ATP13A1: variants seen among roughly 807,000 people sequenced by gnomAD.
ATP13A1 encodes the protein ATPase 13A1, also known as endoplasmic reticulum transmembrane helix translocase.
ATP13A1 carries 55 observed loss-of-function variants against 134.8 expected under a neutral mutation model. The ratio of observed to expected loss-of-function variants is 0.41; its 90% CI spans 0.33 to 0.51. ATP13A1 has a LOEUF of 0.51. Ranked by LOEUF, ATP13A1 falls within the 20% of genes least tolerant of loss-of-function variation. ATP13A1 has a pLI of 0.29. For synonymous variants in ATP13A1, 775 were observed against 725.1 expected, an observed-to-expected ratio of 1.07 and a Z score of -1.10; for missense variants, 1,389 against 1,652.8, an observed-to-expected ratio of 0.84 and a Z score of 2.77.
chr19:19,652,901 G>T, intron 15 of ATP13A1, 181 bp from the exon 16 acceptor site: 2 of 850,658 alleles, frequency 2.4e-6, no homozygotes, highest in Non-Finnish European at 3.5e-6. Context: ...CGCTTGAGGG[G>T]TGGGATCTGG....
intron 19 of ATP13A1, among the ~76,000 whole-genome samples, chr19:19,648,795 G>A (rs926019178): frequency 1.0e-5 from 1 of 96,384 alleles, no homozygotes; most frequent in African/African-American, 4.4e-5. Context: ...GGCAACAAGA[G>A]AGAAACTGTC....
At chr19:19,652,161 T>G (rs1208834936) in intron 16 of ATP13A1, among the ~76,000 whole-genome samples, 1 of 152,112 alleles carries the variant, frequency 6.6e-6, no homozygotes, top group African/African-American at 2.4e-5. Flanking sequence ...ATCACCCATG[T>G]GACCCAGAGC....
At chr19:19,661,733 T>A (rs945897516) in intron 1 of ATP13A1, among the ~76,000 whole-genome samples, 1 of 152,174 alleles carries the variant, frequency 6.6e-6, no homozygotes, top group African/African-American at 2.4e-5. Flanking sequence ...CCTCTGCTGC[T>A]CTGCTAGACC....
intron 19 of ATP13A1, among the ~76,000 whole-genome samples, chr19:19,648,604 T>G (rs763699135): frequency 4.0e-5 from 6 of 149,466 alleles, no homozygotes; most frequent in Non-Finnish European, 5.9e-5. Flanking sequence ...AAGTCAGGAG[T>G]TGGAGACCAG....
At chr19:19,651,216 T>G (rs1400970435) in intron 17 of ATP13A1, 1 of 152,490 alleles carries the variant, frequency 6.6e-6, no homozygotes, top group African/African-American at 2.4e-5. Context: ...ACCAACGCAG[T>G]AACACGCACG....
At chr19:19,646,525 T>TGA (rs2061987203) in intron 22 of ATP13A1, 178 bp from the exon 23 acceptor site, 4 of 765,994 alleles carry the variant, frequency 5.2e-6, no homozygotes, top group Non-Finnish European at 8.3e-6. Flanking sequence ...CTCTCACCCC[T>TGA]GAGCCCAGGG....
In ATP13A1 at chr19:19,655,007, G is replaced by A; in HGVS notation, c.1655+112C>T. On this transcript the variant is annotated intron_variant, in intron 12 of 25. Transcript: ENST00000357324. The surrounding 1 kb of genome is among the most constrained non-coding windows in gnomAD (Gnocchi z 5.7). ...AGCCCCTGGAAATGAACCCGAGGCA[G>A]GGCCTCTGACGGGCCCTCACTGCAA... 6 of 1,474,668 alleles carry A rather than the reference G, an allele frequency of 4.1e-6. No individual in the cohort carries two copies. The highest frequency in any genetic ancestry group is 4.5e-6 in the Non-Finnish European group (5 of 1,105,930). 91.3% of individuals were successfully genotyped at this position (1,474,668 alleles called of 1,614,324 possible).
Position 19,645,442 on chromosome 19 carries a change from T to A in ATP13A1, c.3595A>T (p.Lys1199Ter). ...RVLQFFLGTP[K>*]LKVPS ...CCATCTCAGGAAGGCACTTTCAGCT[T>A]CGGGGTCCCCAGGAAGAACTGCAGG... The change falls in exon 26 of 26, where the codon AAG becomes TAG. Residue 1199 changes from lysine to a stop codon, truncating the protein, a stop_gained. Coordinates refer to ENST00000357324, the MANE Select transcript of ATP13A1 (RefSeq NM_020410.3). LOFTEE classifies it high-confidence loss of function. This position sits in a 1 kb window ranked among gnomAD's most constrained non-coding sequence, Gnocchi z 4.1. 1 of 1,604,022 alleles carries A rather than the reference T, an allele frequency of 6.2e-7. No individual in the cohort carries two copies. The highest frequency in any genetic ancestry group is 8.5e-7 in the Non-Finnish European group (1 of 1,176,000).
At position 19,645,451 on chromosome 19, in the gene ATP13A1, C is replaced by T; in HGVS notation, c.3586G>A (p.Gly1196Arg). ...LADRVLQFFLGTPKLKVPS is the reference protein window; with the variant it reads ...LADRVLQFFLRTPKLKVPS ...GAAGGCACTTTCAGCTTCGGGGTCC[C>T]CAGGAAGAACTGCAGGACGCGGTCG... is the stretch of plus-strand genomic sequence containing the variant. The change falls in exon 26 of 26, where the codon GGG becomes AGG. Residue 1196 changes from glycine (G) to arginine (R), a missense_variant. Physicochemically the swap from Gly to Arg is moderately radical, Grantham distance 125. Transcript: ENST00000357324. This position sits in a 1 kb window ranked among gnomAD's most constrained non-coding sequence, Gnocchi z 4.1. 2 of 1,605,742 alleles carry T rather than the reference C, an allele frequency of 1.2e-6. No homozygotes were observed. The highest frequency in any genetic ancestry group is 8.5e-7 in the Non-Finnish European group (1 of 1,176,616).
rs1477347662 is a variant in ATP13A1 at position 19,655,463 on chromosome 19, C to T, written c.1397-10G>A. ...CTGGGGTCCTTGGTACCTGTGGAGA[C>T]AGGGCCTGCCAACCTGGAGCCTCGG... On this transcript the variant is annotated splice_polypyrimidine_tract_variant and intron_variant, in intron 10 of 25. Transcript: ENST00000357324. The surrounding 1 kb of genome is among the most constrained non-coding windows in gnomAD (Gnocchi z 5.7). 3.1e-6 allele frequency: 5 copies of T among 1,613,942 alleles called. No homozygotes were observed. The highest frequency in any genetic ancestry group is 1.1e-5 in the South Asian group (1 of 91,084).
At position 19,645,343 on chromosome 19, in the gene ATP13A1, CAGGGTTCCCTCCCGGGGCCCTGTT is replaced by C; in HGVS notation, c.*55_*78del. Reference sequence around the variant, plus strand: ...CAGCCTTGCTGTGGGGGGTTGGGGGCAGGGTTCCCTCCCGGGGCCCTGTTGGGGTTCCCGCCCAGCGGCAGCCAG... The same window carrying C: ...CAGCCTTGCTGTGGGGGGTTGGGGGCGGGGTTCCCGCCCAGCGGCAGCCAG... On this transcript the variant is annotated 3_prime_UTR_variant, in exon 26 of 26. Coordinates refer to ENST00000357324, the MANE Select transcript of ATP13A1 (RefSeq NM_020410.3). The surrounding 1 kb of genome is among the most constrained non-coding windows in gnomAD (Gnocchi z 4.1). 1 of 1,450,398 alleles carries C rather than the reference CAGGGTTCCCTCCCGGGGCCCTGTT, an allele frequency of 6.9e-7. No homozygotes were observed. Among genetic ancestry groups the C allele is most frequent in the Non-Finnish European group, 9.4e-7 (1 of 1,061,546 alleles). The allele number at this position is 1,450,398 out of a possible 1,614,324, so 89.8% of individuals were successfully genotyped here. A position where few individuals can be genotyped will look rare whatever the true frequency, so the allele number is the denominator to read the frequency against.
chr19:19,651,412 T>C (rs2062023584), intron 17 of ATP13A1: 4 of 316,024 alleles, frequency 1.3e-5, no homozygotes, highest in Non-Finnish European at 2.3e-5. Context: ...AGGAGCAGTA[T>C]CTGCCCATGA....
chr19:19,645,559 C>T lies in ATP13A1; in HGVS notation c.3505-27G>A. 4.4e-6 allele frequency: 7 copies of T among 1,573,206 alleles called. No homozygotes were observed. Among genetic ancestry groups the T allele is most frequent in the Non-Finnish European group, 6.0e-6 (7 of 1,159,558 alleles). On this transcript the variant is annotated intron_variant, in intron 25 of 25. Coordinates refer to ENST00000357324, the MANE Select transcript of ATP13A1 (RefSeq NM_020410.3). The surrounding 1 kb of genome is among the most constrained non-coding windows in gnomAD (Gnocchi z 4.1). ...TGTCGGGGCAGGGAGGGATGGTGAG[C>T]TGGAGACCTGCAGCCCAGCTCAGGG...
intron 19 of ATP13A1, among the ~76,000 whole-genome samples, chr19:19,649,310 G>A (rs2062008805): frequency 6.6e-6 from 1 of 152,152 alleles, no homozygotes; most frequent in Non-Finnish European, 1.5e-5. Context: ...CATCTTCATG[G>A]CTTCAGCTCT....
In ATP13A1 at chr19:19,647,833, T is replaced by C; in HGVS notation, c.2633-74A>G. ...GGAAGATTGCTGGCTTCAGAGCCAC[T>C]GGTCCTGAAGTCCCCCAGCTGGCTC... On this transcript the variant is annotated intron_variant, in intron 19 of 25. Coordinates refer to ENST00000357324, the MANE Select transcript of ATP13A1 (RefSeq NM_020410.3). This position sits in a 1 kb window ranked among gnomAD's most constrained non-coding sequence, Gnocchi z 4.8. The C allele has an allele frequency of 1.3e-6, 2 of 1,493,820 alleles. No individual in the cohort carries two copies. The highest frequency in any genetic ancestry group is 1.8e-6 in the Non-Finnish European group (2 of 1,121,360). The allele number at this position is 1,493,820 out of a possible 1,614,324, so 92.5% of individuals were successfully genotyped here. A position where few individuals can be genotyped will look rare whatever the true frequency, so the allele number is the denominator to read the frequency against.
chr19:19,650,010 C>A lies in ATP13A1; in HGVS notation c.2336-70G>T, dbSNP rs1349688185. 2.2e-6 allele frequency: 3 copies of A among 1,385,820 alleles called. No homozygotes were observed. The Admixed American group carries it at 6.2e-5, about 28-fold the overall frequency. 85.8% of individuals were successfully genotyped at this position (1,385,820 alleles called of 1,614,324 possible). ...GGCTCAGAAGCACCCTCCCTCCACT[C>A]GGACCCCAGCACCAGCCAGTCTCTC... is the stretch of plus-strand genomic sequence containing the variant. On this transcript the variant is annotated intron_variant, in intron 17 of 25. Coordinates refer to ENST00000357324, the MANE Select transcript of ATP13A1 (RefSeq NM_020410.3).
Position 19,645,858 on chromosome 19 carries a change from A to G in ATP13A1, c.3360+16T>C. 5.6e-6 allele frequency: 9 copies of G among 1,613,326 alleles called. No individual in the cohort carries two copies. Among genetic ancestry groups the G allele is most frequent in the Non-Finnish European group, 7.6e-6 (9 of 1,179,600 alleles). Reference sequence around the variant, plus strand: ...GTGGGCAGACAGTGAATGTTTGGGCAGGGCCCAGGCCTTACTTTGTAATTG... The same window carrying G: ...GTGGGCAGACAGTGAATGTTTGGGCGGGGCCCAGGCCTTACTTTGTAATTG... On this transcript the variant is annotated intron_variant, in intron 24 of 25. Coordinates refer to ENST00000357324, the MANE Select transcript of ATP13A1 (RefSeq NM_020410.3). The surrounding 1 kb of genome is among the most constrained non-coding windows in gnomAD (Gnocchi z 4.1).
At chr19:19,661,988 T>C in intron 1 of ATP13A1, 1 of 1,529,322 alleles carries the variant, frequency 6.5e-7, no homozygotes, top group East Asian at 2.5e-5. Flanking sequence ...AGTTGTTAGT[T>C]ACGGTTCTCA....
rs1417040017 is a variant in ATP13A1, at chr19:19,649,933, C to T, written c.2343G>A (p.Gln781=). The T allele has an allele frequency of 1.3e-6, 2 of 1,589,922 alleles. No individual in the cohort carries two copies. Among genetic ancestry groups the T allele is most frequent in the Non-Finnish European group, 8.5e-7 (1 of 1,176,420 alleles). The change falls in exon 18 of 26, where the codon CAG becomes CAA. Residue 781 remains glutamine (Q), a synonymous_variant. Coordinates refer to ENST00000357324, the MANE Select transcript of ATP13A1 (RefSeq NM_020410.3). ...ILQPPSEKGR[Q]CEWRSIDGSI... ...TGCCGTCAATGGAGCGCCACTCGCA[C>T]TGCCGGCCTGCGGGCAGCACCTAGG...
Sources: allele counts gnomAD v4.1 joint callset (sites outside exome capture counted in the v4.1 genomes callset), GRCh38; gene constraint gnomAD v4.1.1; non-coding constraint Gnocchi (gnomAD v3.1); transcripts MANE v1.5; gene names NCBI Gene and HGNC (gene_info 2026-07-23, HGNC 2026-07-21).